Variants in DYNC2H1 observed in about 807,000 individuals in gnomAD.
DYNC2H1 encodes the protein dynein cytoplasmic 2 heavy chain 1.
DYNC2H1 carries 410 observed loss-of-function variants against 570.0 expected under a neutral mutation model. That is an observed-to-expected ratio of 0.72 (90% CI 0.66 to 0.78). The LOEUF is 0.78. Among genes scored for constraint, DYNC2H1 ranks in the 30% least tolerant of loss-of-function variants. The pLI is 0.00. For synonymous variants in DYNC2H1, 1,688 were observed against 1,677.6 expected, an observed-to-expected ratio of 1.01 and a Z score of -0.15; for missense variants, 4,865 against 5,046.4, an observed-to-expected ratio of 0.96 and a Z score of 1.09.
chr11:103,472,507 G>A lies in DYNC2H1; in HGVS notation c.12765+3802G>A, dbSNP rs1018714963. Among the ~76,000 whole-genome samples the A allele has an allele frequency of 6.6e-5, 10 of 152,168 alleles. No individual in the cohort carries two copies. The highest frequency in any genetic ancestry group is 3.4e-3 in the Middle Eastern group (1 of 294). On this transcript the variant is annotated intron_variant, in intron 88 of 88. Transcript: ENST00000375735. The surrounding 1 kb of genome is among the most constrained non-coding windows in gnomAD (Gnocchi z 4.1). ...CACTGTGAGATACAATTATACTGGC[G>A]TCTCATAACAATCCTATGAGTTTGG...
chr11:103,200,207 T>C, intron 50 of DYNC2H1, 53 bp downstream of exon 50: 1 of 1,324,526 alleles, frequency 7.5e-7, no homozygotes, highest in Non-Finnish European at 1.0e-6. Context: ...ATAAAAATTA[T>C]CCAAGTAAAA....
intron 21 of DYNC2H1, 82 bp downstream of exon 21, chr11:103,152,367 C>A (rs905387752): frequency 7.6e-7 from 1 of 1,308,556 alleles, no homozygotes; most frequent in Non-Finnish European, 1.0e-6. Context: ...TCCTTTATAG[C>A]CCAGGTTTAT....
At chr11:103,313,321 A>G (rs2135420703) in intron 79 of DYNC2H1, among the ~76,000 whole-genome samples, 1 of 152,196 alleles carries the variant, frequency 6.6e-6, no homozygotes, top group East Asian at 1.9e-4. Flanking sequence ...TGTTATCGTC[A>G]TCACAATCAA....
chr11:103,412,994 T>G (rs994361602), intron 84 of DYNC2H1, among the ~76,000 whole-genome samples: 8 of 151,550 alleles, frequency 5.3e-5, no homozygotes, highest in Non-Finnish European at 8.9e-5. Flanking sequence ...AAATATGAAT[T>G]CTTGTACCAC....
chr11:103,248,474 T>C (rs758278733), intron 65 of DYNC2H1, among the ~76,000 whole-genome samples: 3 of 151,970 alleles, frequency 2.0e-5, no homozygotes, highest in Non-Finnish European at 4.4e-5. Context: ...GAGAAATAAT[T>C]AGTAATAATT....
chr11:103,286,116 A>C (rs1374507807), intron 73 of DYNC2H1, 139 bp from the exon 74 acceptor site: 1 of 1,176,122 alleles, frequency 8.5e-7, no homozygotes, highest in Non-Finnish European at 1.2e-6. Flanking sequence ...ACCTAGAAAT[A>C]ATTAGACAAG....
Position 103,241,414 on chromosome 11 carries a change from G to T in DYNC2H1, c.9820-2279G>T. 2.3e-6 allele frequency: 2 copies of T among 880,954 alleles called. No homozygotes were observed. Among genetic ancestry groups the T allele is most frequent in the Non-Finnish European group, 3.6e-6 (2 of 559,416 alleles). 54.6% of individuals were successfully genotyped at this position (880,954 alleles called of 1,614,324 possible). ...ATCTTATCTAAATCTGTCTGGAGAC[G>T]TAAAATAAGATGACAACAAACTTTT... On this transcript the variant is annotated intron_variant, in intron 63 of 88. Coordinates refer to ENST00000375735, the MANE Select transcript of DYNC2H1 (RefSeq NM_001377.3). The surrounding 1 kb of genome is among the most constrained non-coding windows in gnomAD (Gnocchi z 5.1).
At chr11:103,320,891 A>G in intron 80 of DYNC2H1, 138 bp from the exon 81 acceptor site, 1 of 676,086 alleles carries the variant, frequency 1.5e-6, no homozygotes, top group East Asian at 2.8e-5. Context: ...TCAAATATTT[A>G]CTACTATTAA....
intron 75 of DYNC2H1, 115 bp downstream of exon 75, chr11:103,287,720 T>C (rs1447438898): frequency 3.6e-6 from 3 of 844,502 alleles, no homozygotes; most frequent in Non-Finnish European, 5.3e-6. Flanking sequence ...CTTTTATTCA[T>C]TCTGTTTATT....
chr11:103,432,490 A>C (rs1288528548), intron 84 of DYNC2H1, among the ~76,000 whole-genome samples: 1 of 152,086 alleles, frequency 6.6e-6, no homozygotes, highest in African/African-American at 2.4e-5. Context: ...ACTGCACTGT[A>C]TGTTCGTTAG....
chr11:103,282,124 T>C, intron 71 of DYNC2H1, 55 bp from the exon 72 acceptor site: 4 of 1,543,490 alleles, frequency 2.6e-6, no homozygotes, highest in Non-Finnish European at 3.5e-6. Context: ...TTAGACAATT[T>C]TGTTAACTGG....
At chr11:103,338,459 T>A (rs1939272026) in intron 82 of DYNC2H1, among the ~76,000 whole-genome samples, 1 of 152,174 alleles carries the variant, frequency 6.6e-6, no homozygotes, top group Admixed American at 6.5e-5. Flanking sequence ...GGTGATGTGG[T>A]CATTTTTACA....
At chr11:103,126,797 C>T (rs1859026179) in intron 12 of DYNC2H1, among the ~76,000 whole-genome samples, 1 of 152,080 alleles carries the variant, frequency 6.6e-6, no homozygotes, top group African/African-American at 2.4e-5. Context: ...CCACCAAGCA[C>T]AGCTAATATT....
chr11:103,236,672 A>T (rs961925903), intron 63 of DYNC2H1, 133 bp downstream of exon 63: 9 of 484,442 alleles, frequency 1.9e-5, no homozygotes, highest in South Asian at 6.5e-5. Context: ...TTGCTAATGA[A>T]AACCCATCAA....
intron 84 of DYNC2H1, among the ~76,000 whole-genome samples, chr11:103,430,053 G>T (rs555988491): frequency 2.6e-5 from 4 of 152,134 alleles, no homozygotes; most frequent in Non-Finnish European, 5.9e-5. Context: ...TACTGGTATT[G>T]CACTCCTATT....
At chr11:103,397,651 T>C (rs1468014673) in intron 83 of DYNC2H1, among the ~76,000 whole-genome samples, 1 of 152,176 alleles carries the variant, frequency 6.6e-6, no homozygotes, top group African/African-American at 2.4e-5. Context: ...TCCTAGCATT[T>C]TGGGAGGCCA....
intron 79 of DYNC2H1, among the ~76,000 whole-genome samples, chr11:103,314,062 A>G (rs1309780274): frequency 1.3e-5 from 2 of 152,172 alleles, no homozygotes; most frequent in Admixed American, 6.5e-5. Flanking sequence ...TACATTAAAA[A>G]TTTAGATTTT....
At chr11:103,355,816 G>A (rs2566915) in intron 82 of DYNC2H1, among the ~76,000 whole-genome samples, 83,325 of 151,960 alleles carry the variant, frequency 0.55, 24,720 homozygotes, top group Admixed American at 0.66. Flanking sequence ...GGCTCAAGCA[G>A]TCCTTCCAAC....
At chr11:103,313,017 T>G (rs1867669625) in intron 79 of DYNC2H1, among the ~76,000 whole-genome samples, 1 of 152,228 alleles carries the variant, frequency 6.6e-6, no homozygotes, top group Admixed American at 6.5e-5. Flanking sequence ...ACCTCTCACC[T>G]GTACTACTTT....
Sources: gnomAD v4.1 joint callset for allele counts (sites outside exome capture counted in the v4.1 genomes callset) on GRCh38, gnomAD v4.1.1 for gene constraint, Gnocchi (gnomAD v3.1) non-coding constraint, MANE v1.5 for transcripts, NCBI Gene and HGNC (gene_info 2026-07-23, HGNC 2026-07-21) for gene names.